The following TMEM177 variants were observed in gnomAD, a reference collection of about 807,000 sequenced individuals.
TMEM177 encodes transmembrane protein 177.
Under a neutral mutation model 14.2 loss-of-function variants are expected in TMEM177, and 4 were observed. The ratio of observed to expected loss-of-function variants is 0.28; its 90% CI spans 0.14 to 0.64. The LOEUF (loss-of-function observed/expected upper bound fraction) is 0.64. Among genes scored for constraint, TMEM177 ranks in the 30% least tolerant of loss-of-function variants. The probability of loss-of-function intolerance (pLI) is 0.82; values close to 1 mark genes in which losing one functional copy is unlikely to be tolerated. For synonymous variants in TMEM177, 179 were observed against 174.5 expected (o/e 1.03, Z -0.20); for missense variants, 344 against 405.2 (o/e 0.85, Z 1.30).
chr2:119,717,757 C>A, the TMEM177 span, among the ~76,000 whole-genome samples: 1 of 152,042 alleles, frequency 6.6e-6, no homozygotes, highest in Non-Finnish European at 1.5e-5. Flanking sequence ...TACAGGCGTG[C>A]GCCACCATAC....
the TMEM177 span, among the ~76,000 whole-genome samples, chr2:119,697,510 C>T: frequency 6.6e-6 from 1 of 152,202 alleles, no homozygotes; most frequent in Non-Finnish European, 1.5e-5. Flanking sequence ...GATGGAGCCA[C>T]TGCACTCCAG....
the TMEM177 span, among the ~76,000 whole-genome samples, chr2:119,720,945 C>G: frequency 6.6e-6 from 1 of 152,260 alleles, no homozygotes; most frequent in East Asian, 1.9e-4. Context: ...CCCTTCTGTT[C>G]TATCAGTATT....
the TMEM177 span, among the ~76,000 whole-genome samples, chr2:119,721,022 C>G: frequency 6.6e-6 from 1 of 152,190 alleles, no homozygotes; most frequent in African/African-American, 2.4e-5. Context: ...CTGGTCCTGT[C>G]TCAGGTTCCT....
chr2:119,686,602 CTTTCTTTT>C (rs1461040245), downstream of TMEM177: 1 of 152,230 alleles, frequency 6.6e-6, no homozygotes, highest in African/African-American at 2.4e-5. Context: ...CTTTCTCTCT[CTTTCTTTT>C]TTTCTTTTCT....
the TMEM177 span, among the ~76,000 whole-genome samples, chr2:119,701,771 A>G: frequency 5.3e-5 from 8 of 152,372 alleles, no homozygotes; most frequent in Non-Finnish European, 1.0e-4. Context: ...TACTAAAATC[A>G]GAGTTTTTAA....
chr2:119,687,628 G>T (rs577212592), downstream of TMEM177, among the ~76,000 whole-genome samples: 4 of 152,072 alleles, frequency 2.6e-5, no homozygotes, highest in Non-Finnish European at 4.4e-5. Flanking sequence ...GGTCCCTCCC[G>T]TGATACATAG....
Position 119,682,100 on chromosome 2 carries a change from T to C in TMEM177, c.*311T>C, listed in dbSNP as rs1688923180. ...CCTGGCACAAAGGGTGCACTGTAAA[T>C]AAACAGACATCCCTCCTTCTTGGTC... is the stretch of plus-strand genomic sequence containing the variant. On this transcript the variant is annotated 3_prime_UTR_variant, in exon 2 of 2. Transcript: ENST00000272521. 1 of 261,994 alleles carries C rather than the reference T, an allele frequency of 3.8e-6. No homozygotes were observed. Among genetic ancestry groups the C allele is most frequent in the Non-Finnish European group, 7.6e-6 (1 of 130,832 alleles). 16.2% of individuals were successfully genotyped at this position (261,994 alleles called of 1,614,324 possible).
chr2:119,696,026 G>A, the TMEM177 span, among the ~76,000 whole-genome samples: 1 of 152,190 alleles, frequency 6.6e-6, no homozygotes. Flanking sequence ...TGAGTCTGTG[G>A]GCAAGCTCAG....
At chr2:119,720,073 G>A in the TMEM177 span, among the ~76,000 whole-genome samples, 1 of 151,990 alleles carries the variant, frequency 6.6e-6, no homozygotes, top group Admixed American at 6.5e-5. Context: ...TAGGATTATA[G>A]GTATGAACCA....
intron 1 of TMEM177, 94 bp from the exon 2 acceptor site, chr2:119,680,730 GCTGTGTTA>G (rs2104845525): frequency 2.4e-6 from 2 of 850,016 alleles, no homozygotes; most frequent in Non-Finnish European, 3.6e-6. Flanking sequence ...TCACCACTAT[GCTGTGTTA>G]CTTTGGTTTA....
chr2:119,687,416 A>G (rs1380078706), downstream of TMEM177, among the ~76,000 whole-genome samples: 1 of 152,224 alleles, frequency 6.6e-6, no homozygotes, highest in Non-Finnish European at 1.5e-5. Context: ...AGGTTTAATT[A>G]ACTCACAGTT....
chr2:119,722,528 G>A, the TMEM177 span, among the ~76,000 whole-genome samples: 1 of 152,140 alleles, frequency 6.6e-6, no homozygotes, highest in Non-Finnish European at 1.5e-5. Flanking sequence ...TACCAGCTGC[G>A]GGAAGAGACT....
the TMEM177 span, among the ~76,000 whole-genome samples, chr2:119,717,049 T>C: frequency 2.0e-5 from 3 of 152,192 alleles, no homozygotes; most frequent in Admixed American, 6.5e-5. Flanking sequence ...CTCTTTATGG[T>C]TAATACAAAA....
At chr2:119,702,152 A>G in the TMEM177 span, among the ~76,000 whole-genome samples, 4 of 152,264 alleles carry the variant, frequency 2.6e-5, no homozygotes, top group Non-Finnish European at 5.9e-5. Context: ...ATTTTGTTTC[A>G]TAGCCAAACC....
the TMEM177 span, among the ~76,000 whole-genome samples, chr2:119,712,321 G>A: frequency 6.6e-6 from 1 of 152,140 alleles, no homozygotes; most frequent in African/African-American, 2.4e-5. Flanking sequence ...GAGGCTTGGT[G>A]ATTGTGATGG....
chr2:119,717,290 A>G, the TMEM177 span, among the ~76,000 whole-genome samples: 1 of 151,672 alleles, frequency 6.6e-6, no homozygotes, highest in Non-Finnish European at 1.5e-5. Flanking sequence ...AGATTGCACC[A>G]CTGCCCTCCA....
rs2104847647 is a variant in TMEM177, at chr2:119,681,607, A to G, written c.754A>G (p.Lys252Glu). The G allele has an allele frequency of 6.2e-7, 1 of 1,614,210 alleles. No individual in the cohort carries two copies. Among genetic ancestry groups the G allele is most frequent in the Non-Finnish European group, 8.5e-7 (1 of 1,180,034 alleles). Residue 252 changes from lysine to glutamate, a missense_variant, in exon 2 of 2, where the codon AAG (lysine) becomes GAG (glutamate). By Grantham distance (56) the Lys-to-Glu change is moderately conservative. Coordinates refer to ENST00000272521, the MANE Select transcript of TMEM177 (RefSeq NM_030577.3). The part of the protein sequence containing the change: ...YACGGVEFYE[K>E]LLSGNLALRS... Reference sequence around the variant, plus strand: ...CTGTGGTGGAGTGGAGTTCTATGAGAAGCTTCTGTCGGGCAACCTGGCCCT... The same window carrying G: ...CTGTGGTGGAGTGGAGTTCTATGAGGAGCTTCTGTCGGGCAACCTGGCCCT...
chr2:119,687,707 C>T (rs192805810), downstream of TMEM177, among the ~76,000 whole-genome samples: 21 of 152,244 alleles, frequency 1.4e-4, no homozygotes, highest in Admixed American at 1.3e-3. Flanking sequence ...GCACCCCAGC[C>T]TCAGCCAGCA....
chr2:119,688,221 C>T (rs1689045615), downstream of TMEM177, among the ~76,000 whole-genome samples: 1 of 151,972 alleles, frequency 6.6e-6, no homozygotes, highest in African/African-American at 2.4e-5. Flanking sequence ...ATGGTGATTG[C>T]AATAATGTAA....
Sources: gnomAD v4.1 joint callset for allele counts (sites outside exome capture counted in the v4.1 genomes callset) on GRCh38, gnomAD v4.1.1 for gene constraint, MANE v1.5 for transcripts, NCBI Gene and HGNC (gene_info 2026-07-23, HGNC 2026-07-21) for gene names.